The following UXS1 variants were observed in gnomAD, a reference collection of about 807,000 sequenced individuals.
The protein encoded by UXS1 is UDP-glucuronate decarboxylase 1, also known as UDP-glucuronic acid decarboxylase 1.
UXS1 carries 33 observed loss-of-function variants against 62.6 expected under a neutral mutation model. The ratio of observed to expected loss-of-function variants is 0.53; its 90% CI spans 0.40 to 0.70. The LOEUF is 0.70. Ranked by LOEUF, UXS1 falls within the 30% of genes least tolerant of loss-of-function variation. The pLI is 0.00. For synonymous variants in UXS1, 213 were observed against 206.8 expected, an observed-to-expected ratio of 1.03 and a Z score of -0.26; for missense variants, 434 against 556.3, an observed-to-expected ratio of 0.78 and a Z score of 2.21.
chr2:106,101,200 G>T (rs10177888), intron 11 of UXS1, 82 bp from the exon 12 acceptor site: 8 of 1,425,990 alleles, frequency 5.6e-6, no homozygotes, highest in East Asian at 4.9e-5. Flanking sequence ...CCTCCCAGAA[G>T]AAAAATTACC....
chr2:106,179,306 C>T (rs920657839), intron 1 of UXS1, among the ~76,000 whole-genome samples: 2 of 152,154 alleles, frequency 1.3e-5, no homozygotes, highest in Non-Finnish European at 2.9e-5. Flanking sequence ...CCCTGACCCT[C>T]TCCACAAAGG....
At chr2:106,176,648 A>G (rs535575713) in intron 1 of UXS1, among the ~76,000 whole-genome samples, 12 of 152,272 alleles carry the variant, frequency 7.9e-5, no homozygotes, top group African/African-American at 2.6e-4. Flanking sequence ...CAGACTAGAG[A>G]AGCACTCTGC....
At position 106,178,557 on chromosome 2, in the gene UXS1, GGT is replaced by G. The variant is rs1200305159; in HGVS notation, c.95-12476_95-12475del. On this transcript the variant is annotated intron_variant, in intron 1 of 14. Transcript: ENST00000283148. ...ATGTGTCTGTAAATATATACAAGTG[GGT>G]GTGTGTGTGTATATATATATGTGTA... 1.7e-4 allele frequency among the ~76,000 whole-genome samples: 25 copies of G among 150,522 alleles called. No individual in the cohort carries two copies. In the South Asian group the frequency reaches 2.5e-3, roughly 15 times the overall value.
chr2:106,123,230 G>T, intron 8 of UXS1, 139 bp from the exon 9 acceptor site: 1 of 1,191,840 alleles, frequency 8.4e-7, no homozygotes, highest in Non-Finnish European at 1.1e-6. Flanking sequence ...GCAACCTCAG[G>T]TTTCCAGTCC....
intron 1 of UXS1, chr2:106,183,725 T>G (rs6543383): frequency 1.3e-5 from 2 of 152,062 alleles, no homozygotes; most frequent in East Asian, 3.9e-4. Flanking sequence ...GCTCATCAAG[T>G]GAAGTTATCA....
intron 9 of UXS1, among the ~76,000 whole-genome samples, chr2:106,121,434 A>G (rs1399251809): frequency 1.3e-5 from 2 of 152,216 alleles, no homozygotes; most frequent in Admixed American, 1.3e-4. Context: ...AAATACAATC[A>G]TAGGACTGAA....
intron 1 of UXS1, among the ~76,000 whole-genome samples, chr2:106,169,669 A>T (rs1245392581): frequency 6.6e-6 from 1 of 152,190 alleles, no homozygotes; most frequent in African/African-American, 2.4e-5. Context: ...CCTGGGTGAC[A>T]AAAGTGAGAC....
At chr2:106,122,615 T>A (rs10190671) in intron 9 of UXS1, among the ~76,000 whole-genome samples, 128,328 of 152,178 alleles carry the variant, frequency 0.84, 54,903 homozygotes, top group Non-Finnish European at 0.93. Context: ...ATCCATTTTT[T>A]TACTTAATTG....
At chr2:106,139,916 T>C (rs1181968446) in intron 6 of UXS1, among the ~76,000 whole-genome samples, 2 of 152,220 alleles carry the variant, frequency 1.3e-5, no homozygotes, top group African/African-American at 4.8e-5. Flanking sequence ...AATTCTCTTT[T>C]TCTACACTTG....
At chr2:106,170,011 C>A (rs1471042213) in intron 1 of UXS1, among the ~76,000 whole-genome samples, 1 of 152,194 alleles carries the variant, frequency 6.6e-6, no homozygotes, top group Non-Finnish European at 1.5e-5. Flanking sequence ...TCTTCCACTG[C>A]CCCTGGAGGC....
At chr2:106,128,704 G>A (rs761339956) in intron 7 of UXS1, among the ~76,000 whole-genome samples, 18 of 152,102 alleles carry the variant, frequency 1.2e-4, no homozygotes, top group African/African-American at 2.4e-4. Flanking sequence ...CCAATCTCTC[G>A]TAACAAATCT....
At chr2:106,113,906 G>A (rs573902611) in intron 9 of UXS1, among the ~76,000 whole-genome samples, 1 of 152,342 alleles carries the variant, frequency 6.6e-6, no homozygotes, top group African/African-American at 2.4e-5. Context: ...AGGCCCAGTG[G>A]CTGTATTTGG....
intron 1 of UXS1, 21 bp downstream of exon 1, chr2:106,194,127 T>A (rs141195431): frequency 0.05 from 72,402 of 1,460,082 alleles, 2,082 homozygotes; most frequent in Non-Finnish European, 0.055. Context: ...GCTCCCCAGC[T>A]GGCAGCGGGC....
At chr2:106,172,500 G>A (rs140733882) in intron 1 of UXS1, among the ~76,000 whole-genome samples, 4 of 152,206 alleles carry the variant, frequency 2.6e-5, no homozygotes, top group East Asian at 1.9e-4. Flanking sequence ...TGTGAGGTCC[G>A]GTAGCCAAGG....
chr2:106,150,746 G>A (rs1681942757), intron 5 of UXS1, among the ~76,000 whole-genome samples: 1 of 152,208 alleles, frequency 6.6e-6, no homozygotes, highest in South Asian at 2.1e-4. Context: ...TGATACAGCT[G>A]CCACAAAGAC....
At chr2:106,111,422 G>A (rs1051977007) in intron 10 of UXS1, among the ~76,000 whole-genome samples, 2 of 152,218 alleles carry the variant, frequency 1.3e-5, no homozygotes, top group African/African-American at 4.8e-5. Context: ...GCGAAACTCA[G>A]CTATACAATG....
chr2:106,178,753 C>T (rs1275331318), intron 1 of UXS1, among the ~76,000 whole-genome samples: 2 of 147,420 alleles, frequency 1.4e-5, no homozygotes, highest in African/African-American at 5.0e-5. Context: ...CCCCCACCCC[C>T]AGCCCCCTTT....
At chr2:106,097,205 T>C (rs767455307) in intron 13 of UXS1, 3 of 460,608 alleles carry the variant, frequency 6.5e-6, no homozygotes, top group Admixed American at 4.7e-5. Flanking sequence ...AAACGTGGTG[T>C]GGGGCCATCC....
chr2:106,174,989 G>C (rs1683790635), intron 1 of UXS1, among the ~76,000 whole-genome samples: 1 of 152,146 alleles, frequency 6.6e-6, no homozygotes, highest in African/African-American at 2.4e-5. Context: ...CATCCTCTAA[G>C]CTAATCCCCC....
Sources: allele counts gnomAD v4.1 joint callset (sites outside exome capture counted in the v4.1 genomes callset), GRCh38; gene constraint gnomAD v4.1.1; transcripts MANE v1.5; gene names NCBI Gene and HGNC (gene_info 2026-07-23, HGNC 2026-07-21).